Variants in DCC observed in about 807,000 individuals in gnomAD.
DCC encodes netrin receptor DCC.
Under a neutral mutation model 172.5 loss-of-function variants are expected in DCC, and 58 were observed. That is an observed-to-expected ratio of 0.34 (90% CI 0.27 to 0.42). The LOEUF is 0.42. DCC is among the 10% of genes least tolerant of loss of function. The pLI, the probability that DCC is intolerant of heterozygous loss-of-function variation, is 1.00. For missense variants in DCC, 1,740 were observed against 1,791.0 expected, an observed-to-expected ratio of 0.97 and a Z score of 0.51; for synonymous variants, 709 against 644.5, an observed-to-expected ratio of 1.10 and a Z score of -1.52.
intron 1 of DCC, among the ~76,000 whole-genome samples, chr18:52,538,939 T>C (rs1598897412): frequency 6.6e-6 from 1 of 152,190 alleles, no homozygotes; most frequent in Non-Finnish European, 1.5e-5. Context: ...GTGGATGACA[T>C]GGCCTCGGTA....
chr18:52,811,129 CA>C (rs374967174), intron 2 of DCC, among the ~76,000 whole-genome samples: 1 of 152,062 alleles, frequency 6.6e-6, no homozygotes, highest in African/African-American at 2.4e-5. Context: ...CTTAAAAAAA[CA>C]AAAAACAACA....
At chr18:53,000,635 C>G (rs991926445) in intron 5 of DCC, among the ~76,000 whole-genome samples, 5 of 117,018 alleles carry the variant, frequency 4.3e-5, no homozygotes, top group African/African-American at 1.3e-4. Context: ...AACAGGCCAA[C>G]AAGTCAGGGA....
At chr18:53,067,938 G>A (rs1460609208) in intron 7 of DCC, among the ~76,000 whole-genome samples, 1 of 152,180 alleles carries the variant, frequency 6.6e-6, no homozygotes, top group Non-Finnish European at 1.5e-5. Context: ...CCAGTTAGCT[G>A]AAGATTCACA....
At chr18:53,003,930 A>AT (rs2041606475) in intron 5 of DCC, among the ~76,000 whole-genome samples, 1 of 151,998 alleles carries the variant, frequency 6.6e-6, no homozygotes, top group Non-Finnish European at 1.5e-5. Context: ...CAGGCTTTTA[A>AT]TTTTTTTGTA....
At chr18:52,460,648 T>G (rs1440566854) in intron 1 of DCC, among the ~76,000 whole-genome samples, 1 of 152,234 alleles carries the variant, frequency 6.6e-6, no homozygotes, top group Non-Finnish European at 1.5e-5. Flanking sequence ...GGCTATATGG[T>G]GTAGCCTATT....
intron 1 of DCC, among the ~76,000 whole-genome samples, chr18:52,489,042 A>G (rs564843922): frequency 7.2e-5 from 11 of 152,198 alleles, no homozygotes; most frequent in African/African-American, 2.4e-4. Context: ...TGATACACAC[A>G]TCGATCTCCT....
chr18:53,262,593 G>T (rs2056619498), intron 12 of DCC, among the ~76,000 whole-genome samples: 1 of 152,120 alleles, frequency 6.6e-6, no homozygotes, highest in Non-Finnish European at 1.5e-5. Flanking sequence ...CAACTCAAAG[G>T]TTATATAATT....
intron 1 of DCC, among the ~76,000 whole-genome samples, chr18:52,684,918 C>T (rs565933362): frequency 6.6e-6 from 1 of 152,194 alleles, no homozygotes; most frequent in South Asian, 2.1e-4. Context: ...TATAGCTAAT[C>T]TTACCAGTGG....
rs547819115 is a variant in DCC, at chr18:53,179,255, CGAG to C, written c.1573+142_1573+144del. The C allele has an allele frequency of 2.6e-3, 2,221 of 841,206 alleles. 10 individuals carry two copies. The highest frequency in any genetic ancestry group is 3.1e-3 in the Non-Finnish European group (1,601 of 521,352). The allele number at this position is 841,206 out of a possible 1,614,324, so 52.1% of individuals were successfully genotyped here. On this transcript the variant is annotated intron_variant, in intron 9 of 28. Transcript: ENST00000442544. ...TTCTTCTAAGTAAACTTATATAACT[CGAG>C]GACTTTTAAAAGATAACTTGTAAAT...
intron 20 of DCC, among the ~76,000 whole-genome samples, chr18:53,415,175 AGC>A (rs905296858): frequency 5.9e-5 from 9 of 152,212 alleles, no homozygotes; most frequent in African/African-American, 2.2e-4. Context: ...TTGCTATAAT[AGC>A]GCCACATCTG....
chr18:52,753,317 C>A (rs2037028896), intron 2 of DCC, among the ~76,000 whole-genome samples: 1 of 152,160 alleles, frequency 6.6e-6, no homozygotes, highest in African/African-American at 2.4e-5. Context: ...ACTGACCTTT[C>A]TCCTTAAATT....
At chr18:53,026,771 C>T (rs1370905616) in intron 5 of DCC, among the ~76,000 whole-genome samples, 1 of 151,852 alleles carries the variant, frequency 6.6e-6, no homozygotes. Context: ...CTATGTTGTC[C>T]AGGCTGGTCT....
At chr18:52,787,212 G>C (rs1048064136) in intron 2 of DCC, among the ~76,000 whole-genome samples, 1 of 152,044 alleles carries the variant, frequency 6.6e-6, no homozygotes, top group Admixed American at 6.6e-5. Context: ...CTCTTGTTTT[G>C]TTTGACACAT....
At chr18:53,464,768 G>T (rs1480079782) in intron 24 of DCC, among the ~76,000 whole-genome samples, 3 of 151,676 alleles carry the variant, frequency 2.0e-5, no homozygotes, top group Admixed American at 2.0e-4. Flanking sequence ...ATCACCTGAG[G>T]TTGGCAGCTT....
chr18:53,526,863 C>CCAGGCCACCT, intron 28 of DCC, 104 bp downstream of exon 28: 1 of 1,076,294 alleles, frequency 9.3e-7, no homozygotes, highest in South Asian at 1.3e-5. Context: ...CCAGGCCACC[C>CCAGGCCACCT]CAGGCCATTG....
intron 1 of DCC, among the ~76,000 whole-genome samples, chr18:52,473,923 A>G (rs757107119): frequency 5.3e-5 from 8 of 151,956 alleles, no homozygotes; most frequent in Non-Finnish European, 1.2e-4. Flanking sequence ...AGCCCCTTCC[A>G]CCTTCCTCTT....
At chr18:52,627,529 G>A (rs2034596917) in intron 1 of DCC, among the ~76,000 whole-genome samples, 2 of 152,176 alleles carry the variant, frequency 1.3e-5, no homozygotes, top group Admixed American at 1.3e-4. Flanking sequence ...TATAAAGAGA[G>A]GAAGCAACTA....
intron 2 of DCC, among the ~76,000 whole-genome samples, chr18:52,758,492 T>C (rs776579377): frequency 6.6e-6 from 1 of 152,178 alleles, no homozygotes; most frequent in African/African-American, 2.4e-5. Context: ...AAAATTCCCC[T>C]GTGTTTTTAA....
chr18:53,234,163 T>C (rs1188412370), intron 12 of DCC, among the ~76,000 whole-genome samples: 1 of 152,140 alleles, frequency 6.6e-6, no homozygotes, highest in Admixed American at 6.5e-5. Flanking sequence ...GGCAGGAGAA[T>C]CGCTTGAACC....
Sources: allele counts gnomAD v4.1 joint callset (sites outside exome capture counted in the v4.1 genomes callset), GRCh38; gene constraint gnomAD v4.1.1; transcripts MANE v1.5; gene names NCBI Gene and HGNC (gene_info 2026-07-23, HGNC 2026-07-21).